Variants in NOMO3 observed in about 807,000 individuals in gnomAD.
NOMO3 encodes the protein NODAL modulator 3.
NOMO3 carries 15 observed loss-of-function variants against 69.9 expected under a neutral mutation model. The observed-to-expected ratio is 0.21, with a 90% CI of 0.14 to 0.33. The LOEUF (loss-of-function observed/expected upper bound fraction) is 0.33. Among genes scored for constraint, NOMO3 ranks in the 10% least tolerant of loss-of-function variants. The probability of loss-of-function intolerance (pLI) is 1.00; values close to 1 mark genes in which losing one functional copy is unlikely to be tolerated. For missense variants in NOMO3, 218 were observed against 761.0 expected, an observed-to-expected ratio of 0.29 and a Z score of 8.39; for synonymous variants, 89 against 301.9, an observed-to-expected ratio of 0.29 and a Z score of 7.31.
At chr16:16,252,845 T>TG (rs2141253406) in intron 9 of NOMO3, among the ~76,000 whole-genome samples, 1 of 121,624 alleles carries the variant, frequency 8.2e-6, no homozygotes, top group South Asian at 2.6e-4. Context: ...TTTTTTTTTT[T>TG]TTTTTTAAGA....
In NOMO3 at chr16:16,255,405, G is replaced by A. The variant is rs1181109944; in HGVS notation, c.964-315G>A. On this transcript the variant is annotated intron_variant, in intron 9 of 30. Coordinates refer to ENST00000399336, the MANE Select transcript of NOMO3 (RefSeq NM_001004067.4). ...TTCACCAAAATGGGGGCATCTGGAG[G>A]GGAGGAGATGGCACAGGGGTAAGGG... is the stretch of plus-strand genomic sequence containing the variant. Among the ~76,000 whole-genome samples, 22 of 136,862 alleles carry A rather than the reference G, an allele frequency of 1.6e-4. 5 individuals carry two copies. Among genetic ancestry groups the A allele is most frequent in the African/African-American group, 7.1e-4 (22 of 30,916 alleles). The allele number at this position is 136,862 out of a possible 152,430, so 89.8% of individuals were successfully genotyped here.
chr16:16,258,171 C>T (rs1293250742), intron 11 of NOMO3, among the ~76,000 whole-genome samples: 2 of 142,456 alleles, frequency 1.4e-5, no homozygotes, highest in Non-Finnish European at 3.0e-5. Context: ...CAAAAATTAG[C>T]TAGTTTCATA....
intron 11 of NOMO3, among the ~76,000 whole-genome samples, chr16:16,258,641 G>A (rs1351795633): frequency 1.4e-5 from 2 of 142,554 alleles, no homozygotes; most frequent in East Asian, 2.3e-4. Flanking sequence ...TGAGGTGGGC[G>A]GATCATGAGG....
rs2856520 is a variant in NOMO3 at position 16,239,260 on chromosome 16, T to C, written c.256-591T>C. On this transcript the variant is annotated intron_variant, in intron 2 of 30. Coordinates refer to ENST00000399336, the MANE Select transcript of NOMO3 (RefSeq NM_001004067.4). ...TGACCTCCTGGGCTCAAGTGATCTT[T>C]CTGCCTCTTCCTCCTAAGTAGCTAA... is the stretch of plus-strand genomic sequence containing the variant. Among the ~76,000 whole-genome samples, 27 of 144,022 alleles carry C rather than the reference T, an allele frequency of 1.9e-4. 3 individuals carry two copies. The South Asian group carries it at 3.1e-3, about 17-fold the overall frequency. The allele number at this position is 144,022 out of a possible 152,430, so 94.5% of individuals were successfully genotyped here.
intron 3 of NOMO3, among the ~76,000 whole-genome samples, 180 bp from the exon 4 acceptor site, chr16:16,242,981 C>A (rs1428088592): frequency 7.0e-6 from 1 of 143,784 alleles, no homozygotes; most frequent in Non-Finnish European, 1.5e-5. Context: ...GAGAGGGAGA[C>A]TTTTCCCAGA....
At chr16:16,255,207 C>T (rs1467009691) in intron 9 of NOMO3, among the ~76,000 whole-genome samples, 1 of 141,250 alleles carries the variant, frequency 7.1e-6, no homozygotes, top group East Asian at 2.3e-4. Flanking sequence ...ACCACTGCGC[C>T]TGGCCTAGGT....
intron 9 of NOMO3, among the ~76,000 whole-genome samples, chr16:16,255,171 C>T (rs1389305560): frequency 5.6e-5 from 8 of 142,214 alleles, no homozygotes; most frequent in Non-Finnish European, 1.2e-4. Flanking sequence ...CCTCGGCCTC[C>T]CAAAGTGCTG....
chr16:16,256,188 C>T lies in NOMO3; in HGVS notation c.1220+30C>T, dbSNP rs760153760. 26 of 1,583,252 alleles carry T rather than the reference C, an allele frequency of 1.6e-5. 1 individual carries two copies. Among genetic ancestry groups the T allele is most frequent in the Admixed American group, 8.6e-5 (5 of 58,202 alleles). ...GCTTATCGTGTGGATTTGGAAGCAC[C>T]AGTAAATATGCTGGCAGCCAGTGTA... is the stretch of plus-strand genomic sequence containing the variant. On this transcript the variant is annotated intron_variant, in intron 11 of 30. Transcript: ENST00000399336.
chr16:16,245,591 C>T (rs577061993), intron 5 of NOMO3, among the ~76,000 whole-genome samples: 9 of 134,086 alleles, frequency 6.7e-5, no homozygotes, highest in Non-Finnish European at 6.1e-5. Context: ...GGTGTGGTGG[C>T]ATGCTTCTGT....
At position 16,232,703 on chromosome 16, in the gene NOMO3, G is replaced by C; in HGVS notation, c.37G>C (p.Ala13Pro). 1 of 816,056 alleles carries C rather than the reference G, an allele frequency of 1.2e-6. No individual in the cohort carries two copies. The allele number at this position is 816,056 out of a possible 1,614,324, so 50.6% of individuals were successfully genotyped here. A position where few individuals can be genotyped will look rare whatever the true frequency, so the allele number is the denominator to read the frequency against. The change falls in exon 1 of 31, where the codon GCG becomes CCG. Residue 13 changes from alanine (A) to proline (P), a missense_variant. Coordinates refer to ENST00000399336, the MANE Select transcript of NOMO3 (RefSeq NM_001004067.4). ...CCAGGGCGCGGGGCCGCTGGGGCCC[G>C]CGGTGGTCACCGCCGCGGTGGTGCT... ...VGQGAGPLGP[A>P]VVTAAVVLLL...
At chr16:16,267,782 A>G (rs370045521) in intron 16 of NOMO3, among the ~76,000 whole-genome samples, 4 of 140,682 alleles carry the variant, frequency 2.8e-5, no homozygotes, top group African/African-American at 9.1e-5. Flanking sequence ...TTTGCATATC[A>G]TAAAACTCAC....
At position 16,263,104 on chromosome 16, in the gene NOMO3, G is replaced by T; in HGVS notation, c.1426G>T (p.Gly476Trp). 1 of 1,594,630 alleles carries T rather than the reference G, an allele frequency of 6.3e-7. No individual in the cohort carries two copies. Among genetic ancestry groups the T allele is most frequent in the Non-Finnish European group, 8.5e-7 (1 of 1,177,762 alleles). The change falls in exon 13 of 31, where the codon GGG (glycine) becomes TGG (tryptophan). Residue 476 changes from glycine to tryptophan, a missense_variant. Physicochemically the swap from Gly to Trp is radical, Grantham distance 184. Transcript: ENST00000399336. ...GGTTCCTGAGGCAGAAACCAGAGCAGGGCTGACGTTGAAACCCCAGACATT... is the reference window on the plus strand; with the variant it reads ...GGTTCCTGAGGCAGAAACCAGAGCATGGCTGACGTTGAAACCCCAGACATT... ...VMVPEAETRA[G>W]LTLKPQTFPL... is the part of the protein sequence containing the mutation.
At chr16:16,250,287 T>C (rs977046388) in intron 6 of NOMO3, among the ~76,000 whole-genome samples, 1 of 141,376 alleles carries the variant, frequency 7.1e-6, no homozygotes, top group Non-Finnish European at 1.5e-5. Flanking sequence ...TTTAGGCTAA[T>C]CTTCAGTTAA....
At chr16:16,265,680 T>TTTA in intron 15 of NOMO3, among the ~76,000 whole-genome samples, 1 of 40,326 alleles carries the variant, frequency 2.5e-5, no homozygotes, top group Non-Finnish European at 4.3e-5. Context: ...ATTTTTTTTT[T>TTTA]TTTTTTTTTT....
chr16:16,246,313 GT>G (rs1322623207), intron 5 of NOMO3, among the ~76,000 whole-genome samples: 1 of 139,284 alleles, frequency 7.2e-6, no homozygotes, highest in Non-Finnish European at 1.5e-5. Context: ...AGTTATTATT[GT>G]TGAAACTAGT....
chr16:16,243,591 C>G (rs1289792711), intron 4 of NOMO3, among the ~76,000 whole-genome samples: 2 of 142,028 alleles, frequency 1.4e-5, no homozygotes, highest in African/African-American at 5.8e-5. Flanking sequence ...TCACTGCAGC[C>G]TCCACCTCCC....
At chr16:16,244,348 T>C (rs2049399393) in intron 4 of NOMO3, among the ~76,000 whole-genome samples, 1 of 128,892 alleles carries the variant, frequency 7.8e-6, no homozygotes, top group Non-Finnish European at 1.6e-5. Context: ...AGAGTCTCGC[T>C]CTGTGGCCTA....
intron 16 of NOMO3, among the ~76,000 whole-genome samples, chr16:16,268,753 G>A (rs962418055): frequency 7.0e-6 from 1 of 142,624 alleles, no homozygotes; most frequent in East Asian, 2.3e-4. Context: ...GTTAGGGGTG[G>A]TGTCTTTGTG....
chr16:16,261,326 G>T, intron 11 of NOMO3, 176 bp from the exon 12 acceptor site: 2 of 960,538 alleles, frequency 2.1e-6, no homozygotes, highest in South Asian at 3.6e-5. Context: ...TTTAAAACCA[G>T]AATGAAGGTT....
Sources: gnomAD v4.1 joint callset for allele counts (sites outside exome capture counted in the v4.1 genomes callset) on GRCh38, gnomAD v4.1.1 for gene constraint, MANE v1.5 for transcripts, NCBI Gene and HGNC (gene_info 2026-07-23, HGNC 2026-07-21) for gene names.